The following TRHDE variants were observed in gnomAD, a reference collection of about 807,000 sequenced individuals.
TRHDE encodes the protein thyrotropin-releasing hormone-degrading ectoenzyme.
TRHDE carries 72 observed loss-of-function variants against 125.7 expected under a neutral mutation model. The observed-to-expected ratio is 0.57, with a 90% CI of 0.47 to 0.70. The LOEUF (loss-of-function observed/expected upper bound fraction) is 0.70. Among genes scored for constraint, TRHDE ranks in the 30% least tolerant of loss-of-function variants. The pLI is 0.00. For missense variants in TRHDE, 1,110 were observed against 1,327.1 expected, an observed-to-expected ratio of 0.84 and a Z score of 2.54; for synonymous variants, 509 against 509.1, an observed-to-expected ratio of 1.00 and a Z score of 0.00.
intron 9 of TRHDE, among the ~76,000 whole-genome samples, chr12:72,567,543 C>T (rs1408966108): frequency 6.6e-6 from 1 of 151,930 alleles, no homozygotes; most frequent in East Asian, 1.9e-4. Flanking sequence ...TTCTCTCTCA[C>T]TCCCCAAAAG....
chr12:72,490,992 CA>C (rs71438815), intron 5 of TRHDE, among the ~76,000 whole-genome samples: 47,018 of 119,240 alleles, frequency 0.39, 8,123 homozygotes, highest in East Asian at 0.52. Flanking sequence ...GCCACAAAAC[CA>C]AAAAAAAAAA....
intron 3 of TRHDE, among the ~76,000 whole-genome samples, chr12:72,387,351 A>G (rs890367446): frequency 6.6e-6 from 1 of 152,070 alleles, no homozygotes; most frequent in Admixed American, 6.6e-5. Context: ...CATTGCTAGT[A>G]CTCTCATTCC....
chr12:72,589,389 C>T (rs1316827636), intron 12 of TRHDE, among the ~76,000 whole-genome samples: 1 of 151,916 alleles, frequency 6.6e-6, no homozygotes, highest in Non-Finnish European at 1.5e-5. Flanking sequence ...GCAGAACATG[C>T]AGGTTTGTTA....
chr12:72,231,862 A>G (rs1044466679), intron 2 of TRHDE, among the ~76,000 whole-genome samples: 1 of 152,180 alleles, frequency 6.6e-6, no homozygotes, highest in Non-Finnish European at 1.5e-5. Flanking sequence ...TTTTTTTGCC[A>G]TAAGGAAAAC....
chr12:72,211,747 A>G (rs1469845248), intron 2 of TRHDE, among the ~76,000 whole-genome samples: 2 of 152,190 alleles, frequency 1.3e-5, no homozygotes, highest in African/African-American at 4.8e-5. Flanking sequence ...TTTATAGAGT[A>G]TTTGGAGAAA....
chr12:72,464,507 A>G (rs1251197271), intron 3 of TRHDE, among the ~76,000 whole-genome samples: 2 of 152,168 alleles, frequency 1.3e-5, no homozygotes, highest in Non-Finnish European at 2.9e-5. Flanking sequence ...TTTCAACATG[A>G]ATTTTGGAGG....
intron 3 of TRHDE, among the ~76,000 whole-genome samples, chr12:72,437,394 T>C (rs1565741289): frequency 6.6e-6 from 1 of 151,870 alleles, no homozygotes; most frequent in Non-Finnish European, 1.5e-5. Flanking sequence ...CTTTTGTCCA[T>C]GCGATATTTT....
chr12:72,362,450 A>C (rs1871141755), intron 2 of TRHDE, among the ~76,000 whole-genome samples: 1 of 151,686 alleles, frequency 6.6e-6, no homozygotes, highest in Admixed American at 6.6e-5. Flanking sequence ...TTCATTGTAG[A>C]TTCTGGATAC....
chr12:72,116,494 C>T (rs1472729611), intron 2 of TRHDE, among the ~76,000 whole-genome samples: 3 of 152,110 alleles, frequency 2.0e-5, no homozygotes, highest in African/African-American at 7.2e-5. Context: ...AAAAGCATTC[C>T]TATTTCTCCA....
intron 2 of TRHDE, among the ~76,000 whole-genome samples, chr12:72,308,425 G>C (rs570689869): frequency 7.9e-5 from 12 of 152,088 alleles, no homozygotes; most frequent in African/African-American, 2.6e-4. Context: ...ACTGATTCTG[G>C]TTCTACTCTG....
chr12:72,242,074 C>T (rs950649560), intron 2 of TRHDE, among the ~76,000 whole-genome samples: 2 of 150,776 alleles, frequency 1.3e-5, no homozygotes, highest in Non-Finnish European at 3.0e-5. Flanking sequence ...TTTAAATATA[C>T]TTTCACCAAT....
intron 15 of TRHDE, among the ~76,000 whole-genome samples, chr12:72,649,861 C>CA (rs201841074): frequency 2.0e-4 from 30 of 151,352 alleles, no homozygotes; most frequent in East Asian, 1.4e-3. Flanking sequence ...TAGCTATTAT[C>CA]AAAAAAAACA....
intron 2 of TRHDE, among the ~76,000 whole-genome samples, chr12:72,198,986 T>TA (rs1877500312): frequency 1.3e-5 from 2 of 151,758 alleles, no homozygotes; most frequent in African/African-American, 4.8e-5. Flanking sequence ...AGGCAGGAAC[T>TA]GCCACACACT....
Position 72,177,672 on chromosome 12 carries a change from A to G in TRHDE, n.279+71920A>G, listed in dbSNP as rs1478031850. 3.9e-5 allele frequency among the ~76,000 whole-genome samples: 6 copies of G among 152,046 alleles called. No individual in the cohort carries two copies. The East Asian group carries it at 9.6e-4, about 24-fold the overall frequency. On this transcript the variant is annotated intron_variant and non_coding_transcript_variant, in intron 2 of 4. Transcript: ENST00000548156. The stretch of plus-strand genomic sequence containing the variant: ...AGGTGTGGGCTTAGACAATAAAACT[A>G]TTTTCCCTTTAAAAAATAAATATTT...
intron 2 of TRHDE, among the ~76,000 whole-genome samples, chr12:72,290,765 C>A (rs971053843): frequency 3.3e-5 from 5 of 152,136 alleles, no homozygotes; most frequent in Admixed American, 2.6e-4. Context: ...AGCATGATGG[C>A]CTTAGGATGG....
chr12:72,151,853 G>A (rs1876374673), intron 2 of TRHDE, among the ~76,000 whole-genome samples: 1 of 146,338 alleles, frequency 6.8e-6, no homozygotes, highest in Non-Finnish European at 1.5e-5. Context: ...TTGTTCTTTG[G>A]GCTTAGGATT....
intron 2 of TRHDE, among the ~76,000 whole-genome samples, chr12:72,287,224 A>T (rs1462535736): frequency 2.0e-5 from 3 of 152,002 alleles, no homozygotes; most frequent in Admixed American, 6.6e-5. Flanking sequence ...TACCTGCACT[A>T]TTGTACATCT....
chr12:72,442,311 C>T (rs1011058471), intron 3 of TRHDE, among the ~76,000 whole-genome samples: 6 of 151,752 alleles, frequency 4.0e-5, no homozygotes, highest in Non-Finnish European at 8.8e-5. Flanking sequence ...AAAGAGAGGG[C>T]AGAGATACTT....
intron 2 of TRHDE, among the ~76,000 whole-genome samples, chr12:72,240,569 A>AT (rs1388000517): frequency 1.2e-3 from 169 of 144,810 alleles, no homozygotes; most frequent in East Asian, 2.2e-3. Context: ...TCTCCAATTA[A>AT]TTTTTTTTTT....
Sources: allele counts gnomAD v4.1 joint callset (sites outside exome capture counted in the v4.1 genomes callset), GRCh38; gene constraint gnomAD v4.1.1; transcripts MANE v1.5; gene names NCBI Gene and HGNC (gene_info 2026-07-23, HGNC 2026-07-21).